Variants in PRELID2 observed in about 807,000 individuals in gnomAD.
The protein encoded by PRELID2 is PRELI domain containing 2, also known as PRELI domain-containing protein 2.
Under a neutral mutation model 28.4 loss-of-function variants are expected in PRELID2, and 25 were observed. The ratio of observed to expected loss-of-function variants is 0.88; its 90% confidence interval spans 0.64 to 1.23. The LOEUF (loss-of-function observed/expected upper bound fraction) is 1.23. Ranked by LOEUF, PRELID2 falls within the 50% of genes most tolerant of loss-of-function variation. PRELID2 has a pLI of 0.00. For synonymous variants in PRELID2, 76 were observed against 71.6 expected (o/e 1.06, Z -0.31); for missense variants, 201 against 214.4 (o/e 0.94, Z 0.39).
the PRELID2 span, among the ~76,000 whole-genome samples, chr5:145,394,816 T>C: frequency 3.1e-3 from 473 of 152,232 alleles, 1 homozygote; most frequent in African/African-American, 9.0e-3. Flanking sequence ...ATTTTGATTC[T>C]GGCTCTGTCG....
At chr5:145,715,175 T>C (rs1169274550) in intron 1 of PRELID2, among the ~76,000 whole-genome samples, 1 of 152,144 alleles carries the variant, frequency 6.6e-6, no homozygotes, top group Non-Finnish European at 1.5e-5. Context: ...AAAACAGAAC[T>C]TTTCTATTCC....
chr5:145,503,608 G>T (rs565209316), intron 1 of PRELID2, among the ~76,000 whole-genome samples: 1 of 152,224 alleles, frequency 6.6e-6, no homozygotes, highest in East Asian at 1.9e-4. Context: ...GCTTGACGAA[G>T]ATAAAAGCAC....
chr5:145,830,776 T>A (rs1755532078), intron 1 of PRELID2, among the ~76,000 whole-genome samples: 3 of 152,244 alleles, frequency 2.0e-5, no homozygotes, highest in African/African-American at 7.2e-5. Context: ...TTTCACAGTG[T>A]CACTTAGCTT....
chr5:145,641,098 G>C (rs114162981), intron 1 of PRELID2, among the ~76,000 whole-genome samples: 3 of 152,092 alleles, frequency 2.0e-5, no homozygotes, highest in African/African-American at 7.2e-5. Context: ...GGTAGAAAAG[G>C]ATTTGTTTAA....
chr5:145,246,375 C>A, the PRELID2 span, among the ~76,000 whole-genome samples: 1 of 152,006 alleles, frequency 6.6e-6, no homozygotes, highest in Non-Finnish European at 1.5e-5. Context: ...ATGGCCTTTG[C>A]TTCAAGGCTC....
chr5:145,609,391 T>A (rs575565618), intron 1 of PRELID2, among the ~76,000 whole-genome samples: 1 of 152,358 alleles, frequency 6.6e-6, no homozygotes, highest in African/African-American at 2.4e-5. Flanking sequence ...CTCTAGTCGC[T>A]CCTGGGTCTT....
intron 1 of PRELID2, among the ~76,000 whole-genome samples, chr5:145,653,810 T>C (rs1040667733): frequency 1.3e-5 from 2 of 152,120 alleles, no homozygotes; most frequent in Non-Finnish European, 2.9e-5. Context: ...AGATCTAAAA[T>C]TGACATCTTA....
At chr5:145,806,346 A>C (rs575388045) in intron 4 of PRELID2, among the ~76,000 whole-genome samples, 1 of 152,048 alleles carries the variant, frequency 6.6e-6, no homozygotes, top group African/African-American at 2.4e-5. Flanking sequence ...AAAACACAAA[A>C]ACACACACAT....
chr5:145,410,879 AT>A, the PRELID2 span, among the ~76,000 whole-genome samples: 1 of 152,110 alleles, frequency 6.6e-6, no homozygotes, highest in Non-Finnish European at 1.5e-5. Context: ...AAAAGCCCAA[AT>A]CCAAAGTCTC....
chr5:145,397,329 G>C, the PRELID2 span, among the ~76,000 whole-genome samples: 1 of 152,032 alleles, frequency 6.6e-6, no homozygotes, highest in Non-Finnish European at 1.5e-5. Flanking sequence ...AATCTCCCAG[G>C]GTAACATATT....
At chr5:145,702,487 G>A (rs1755432963) in intron 1 of PRELID2, among the ~76,000 whole-genome samples, 1 of 152,062 alleles carries the variant, frequency 6.6e-6, no homozygotes, top group Non-Finnish European at 1.5e-5. Context: ...TACTTCATGT[G>A]GTCCTTGCAA....
intron 1 of PRELID2, among the ~76,000 whole-genome samples, chr5:145,611,689 T>A (rs1380253689): frequency 6.6e-6 from 1 of 152,222 alleles, no homozygotes; most frequent in Non-Finnish European, 1.5e-5. Flanking sequence ...CACAACTTTT[T>A]TAAAATTAAT....
At chr5:145,260,764 T>C in the PRELID2 span, among the ~76,000 whole-genome samples, 2 of 152,164 alleles carry the variant, frequency 1.3e-5, no homozygotes, top group East Asian at 3.9e-4. Flanking sequence ...CCATGAACTT[T>C]TGCTCAAAGA....
chr5:145,488,201 G>A (rs899356706), intron 1 of PRELID2, among the ~76,000 whole-genome samples: 3 of 152,050 alleles, frequency 2.0e-5, no homozygotes, highest in South Asian at 2.1e-4. Context: ...ATTTGGAGAC[G>A]GGGTGCTGGG....
At position 145,514,318 on chromosome 5, in the gene PRELID2, C is replaced by CAAAAAAAAAAA. The variant is rs55760860; in HGVS notation, n.71-41014_71-41004dup. ...GAATATTTACCAAGCAAATGGAAAG[C>CAAAAAAAAAAA]AAAAAAAAAAAAAAAGCATGGGTTG... On this transcript the variant is annotated intron_variant and non_coding_transcript_variant, in intron 1 of 2. Transcript: ENST00000510259. Among the ~76,000 whole-genome samples, 55 of 67,466 alleles carry CAAAAAAAAAAA rather than the reference C, an allele frequency of 8.2e-4. 2 individuals carry two copies. The highest frequency in any genetic ancestry group is 3.4e-3 in the South Asian group (6 of 1,742). 44.3% of individuals were successfully genotyped at this position (67,466 alleles called of 152,430 possible).
At chr5:145,287,839 A>G in the PRELID2 span, among the ~76,000 whole-genome samples, 1 of 152,142 alleles carries the variant, frequency 6.6e-6, no homozygotes, top group African/African-American at 2.4e-5. Flanking sequence ...TTTAGTCATA[A>G]TGTCTCCTTA....
chr5:145,336,992 T>C, the PRELID2 span, among the ~76,000 whole-genome samples: 1 of 146,960 alleles, frequency 6.8e-6, no homozygotes, highest in Non-Finnish European at 1.5e-5. Context: ...GGGATAGCTT[T>C]AGGGCATATG....
At chr5:145,324,239 G>A in the PRELID2 span, among the ~76,000 whole-genome samples, 16 of 152,134 alleles carry the variant, frequency 1.1e-4, no homozygotes, top group African/African-American at 3.6e-4. Flanking sequence ...TCATTGTAGG[G>A]TGGAAAGAAT....
chr5:145,796,420 T>G, intron 5 of PRELID2, 22 bp downstream of exon 5: 2 of 1,528,330 alleles, frequency 1.3e-6, no homozygotes, highest in Non-Finnish European at 1.8e-6. Flanking sequence ...TTAATGTTGG[T>G]TCAAAGCAGA....
Sources: allele counts gnomAD v4.1 joint callset (sites outside exome capture counted in the v4.1 genomes callset), GRCh38; gene constraint gnomAD v4.1.1; transcripts MANE v1.5; gene names NCBI Gene and HGNC (gene_info 2026-07-23, HGNC 2026-07-21).